MON2: variants seen among roughly 807,000 people sequenced by gnomAD.
MON2 encodes the protein MON2 regulator of endosome-to-Golgi trafficking, also known as protein MON2 homolog.
Under a neutral mutation model 208.6 loss-of-function variants are expected in MON2, and 84 were observed. That is an observed-to-expected ratio of 0.40 (90% confidence interval 0.34 to 0.48). The LOEUF is 0.48. Among genes scored for constraint, MON2 ranks in the 20% least tolerant of loss-of-function variants. The pLI is 0.59. For synonymous variants in MON2, 660 were observed against 694.0 expected (o/e 0.95, Z 0.77); for missense variants, 1,611 against 2,015.4 (o/e 0.80, Z 3.84).
chr12:62,535,737 C>T (rs746739686), intron 14 of MON2, 28 bp downstream of exon 14: 2 of 1,564,432 alleles, frequency 1.3e-6, no homozygotes, highest in South Asian at 2.3e-5. Flanking sequence ...AAAATTCTCT[C>T]TATGTAGTGG....
chr12:62,561,077 G>C lies in MON2; in HGVS notation c.3996G>C (p.Gln1332His), dbSNP rs1179310478. ...SYTEAVLTSL[Q>H]EAVLTALDVL... ...CCGAAGCAGTTTTGACAAGTTTACA[G>C]GAAGCTGTACTTACAGCTTTAGATG... The change falls in exon 26 of 35, where the codon CAG becomes CAC. Residue 1332 changes from glutamine (Q) to histidine (H), a missense_variant. Transcript: ENST00000393630. 1 of 1,612,910 alleles carries C rather than the reference G, an allele frequency of 6.2e-7. No homozygotes were observed. The highest frequency in any genetic ancestry group is 8.5e-7 in the Non-Finnish European group (1 of 1,179,396).
intron 2 of MON2, among the ~76,000 whole-genome samples, chr12:62,491,096 G>A (rs552091069): frequency 8.5e-5 from 13 of 152,262 alleles, no homozygotes; most frequent in Admixed American, 7.8e-4. Flanking sequence ...TATCACATCA[G>A]TTGAGTTGCA....
In MON2 at chr12:62,560,547, A is replaced by G. The variant is rs780339455; in HGVS notation, c.3466A>G (p.Ser1156Gly). ...LLDHIQSAAL[S>G]KNNEVSLAAL... ...TGACCATATACAGTCAGCAGCACTC[A>G]GCAAAAACAATGAAGTATCTCTGGC... The change falls in exon 26 of 35, where the codon AGC becomes GGC. Residue 1156 changes from serine (S) to glycine (G), a missense_variant. Ser to Gly is a moderately conservative substitution (Grantham distance 56). Coordinates refer to ENST00000393630, the MANE Select transcript of MON2 (RefSeq NM_015026.3). 5 of 1,613,958 alleles carry G rather than the reference A, an allele frequency of 3.1e-6. No homozygotes were observed. In the South Asian group the frequency reaches 5.5e-5, roughly 18 times the overall value.
At chr12:62,508,757 T>C (rs1417295031) in intron 8 of MON2, 1 of 335,462 alleles carries the variant, frequency 3.0e-6, no homozygotes, top group Non-Finnish European at 5.4e-6. Flanking sequence ...CTTAGCTAAT[T>C]GTCTGTATCT....
At chr12:62,549,641 A>G (rs759493603) in intron 22 of MON2, 27 bp from the exon 23 acceptor site, 1 of 1,551,966 alleles carries the variant, frequency 6.4e-7, no homozygotes, top group South Asian at 1.2e-5. Context: ...AAATAAGTGC[A>G]TCTGTATACA....
chr12:62,495,689 CAAAAAAAAAA>C (rs56155110), intron 4 of MON2, among the ~76,000 whole-genome samples: 9 of 108,520 alleles, frequency 8.3e-5, no homozygotes, highest in Non-Finnish European at 1.5e-4. Flanking sequence ...GACTCCGTCT[CAAAAAAAAAA>C]AAAAAAAAAA....
chr12:62,509,867 T>C (rs2071302729), intron 8 of MON2, among the ~76,000 whole-genome samples: 1 of 133,878 alleles, frequency 7.5e-6, no homozygotes, highest in Non-Finnish European at 1.6e-5. Context: ...AGAGAATCAA[T>C]GCAAGTTGTT....
At chr12:62,537,071 A>G (rs1271246910) in intron 14 of MON2, 80 bp from the exon 15 acceptor site, 4 of 835,762 alleles carry the variant, frequency 4.8e-6, no homozygotes, top group Non-Finnish European at 7.1e-6. Flanking sequence ...ACTTGGTTTA[A>G]TCAAACTTTA....
At chr12:62,548,204 G>A (rs1395164662) in intron 22 of MON2, among the ~76,000 whole-genome samples, 1 of 152,166 alleles carries the variant, frequency 6.6e-6, no homozygotes, top group Non-Finnish European at 1.5e-5. Flanking sequence ...TAGGAAATGA[G>A]AATGGCTACA....
intron 8 of MON2, among the ~76,000 whole-genome samples, chr12:62,514,530 C>T (rs1361144898): frequency 1.3e-5 from 2 of 152,154 alleles, no homozygotes; most frequent in East Asian, 3.8e-4. Context: ...GAGAAACTCC[C>T]TTTTTAAAAC....
intron 1 of MON2, 95 bp downstream of exon 1, chr12:62,467,413 T>C (rs2068570514): frequency 1.0e-6 from 1 of 997,112 alleles, no homozygotes; most frequent in Non-Finnish European, 1.5e-6. Context: ...TAATTTTCAT[T>C]CAGGCCTCAC....
intron 23 of MON2, among the ~76,000 whole-genome samples, chr12:62,551,547 A>G (rs1017309119): frequency 6.6e-6 from 1 of 152,240 alleles, no homozygotes; most frequent in African/African-American, 2.4e-5. Context: ...TATTACAAGT[A>G]TTACTAAAAT....
At chr12:62,519,670 T>G (rs1469833074) in intron 8 of MON2, among the ~76,000 whole-genome samples, 1 of 152,238 alleles carries the variant, frequency 6.6e-6, no homozygotes, top group Non-Finnish European at 1.5e-5. Flanking sequence ...CTTCATTCTG[T>G]TGTGATTTTT....
intron 20 of MON2, 66 bp from the exon 21 acceptor site, chr12:62,544,832 A>G: frequency 1.9e-6 from 3 of 1,573,648 alleles, no homozygotes; most frequent in Non-Finnish European, 2.6e-6. Context: ...TTGATATAAA[A>G]TGTAAAATTG....
chr12:62,466,917 G>T lies in MON2; in HGVS notation c.-291G>T. 1 of 501,252 alleles carries T rather than the reference G, an allele frequency of 2.0e-6. No individual in the cohort carries two copies. Among genetic ancestry groups the T allele is most frequent in the Non-Finnish European group, 3.5e-6 (1 of 283,534 alleles). 31.1% of individuals were successfully genotyped at this position (501,252 alleles called of 1,614,324 possible). On this transcript the variant is annotated 5_prime_UTR_variant, in exon 1 of 35. Coordinates refer to ENST00000393630, the MANE Select transcript of MON2 (RefSeq NM_015026.3). The stretch of plus-strand genomic sequence containing the variant: ...TTGGCTGGTGACACCCGGTGTGGCT[G>T]GGCCCCGCGGCAGCGGAGGGACCTG...
intron 9 of MON2, 113 bp downstream of exon 9, chr12:62,524,752 T>C (rs1227351756): frequency 1.9e-6 from 2 of 1,049,802 alleles, no homozygotes; most frequent in East Asian, 5.2e-5. Flanking sequence ...TTATTCCCAA[T>C]ATTAGTGATT....
At chr12:62,537,040 T>C (rs2073010050) in intron 14 of MON2, 111 bp from the exon 15 acceptor site, 1 of 585,186 alleles carries the variant, frequency 1.7e-6, no homozygotes, top group East Asian at 3.2e-5. Context: ...ATTACTGATA[T>C]TTAAATAAGT....
At chr12:62,558,128 G>A (rs1250705825) in intron 25 of MON2, among the ~76,000 whole-genome samples, 8 of 150,454 alleles carry the variant, frequency 5.3e-5, no homozygotes, top group South Asian at 2.1e-4. Context: ...ACAGGCATGC[G>A]CCACCATGCC....
rs1260131065 is a variant in MON2, at chr12:62,580,326, A to G, written c.4605A>G (p.Leu1535=). 31 of 1,610,642 alleles carry G rather than the reference A, an allele frequency of 1.9e-5. 1 individual carries two copies. In the East Asian group the frequency reaches 6.9e-4, roughly 36 times the overall value. ...TTCAACTTATCAGCAATGAGATACT[A>G]CCTTATGCCAATTTTATTCCTAAGG... ...EVVQLISNEI[L]PYANFIPKEF... Residue 1535 remains leucine (L), a synonymous_variant, in exon 32 of 35, where the codon CTA becomes CTG. Transcript: ENST00000393630.
Sources: allele counts gnomAD v4.1 joint callset (sites outside exome capture counted in the v4.1 genomes callset), GRCh38; gene constraint gnomAD v4.1.1; transcripts MANE v1.5; gene names NCBI Gene and HGNC (gene_info 2026-07-23, HGNC 2026-07-21).